AP3S1: variants seen among roughly 807,000 people sequenced by gnomAD.
The protein encoded by AP3S1 is AP-3 complex subunit sigma-1.
AP3S1 carries 12 observed loss-of-function variants against 21.3 expected under a neutral mutation model. The observed-to-expected ratio is 0.56, with a 90% CI of 0.36 to 0.91. AP3S1 has a LOEUF of 0.91. Among genes scored for constraint, AP3S1 ranks in the 40% least tolerant of loss-of-function variants. AP3S1 has a pLI of 0.01. For missense variants in AP3S1, 116 were observed against 225.0 expected, an observed-to-expected ratio of 0.52 and a Z score of 3.10; for synonymous variants, 48 against 78.4, an observed-to-expected ratio of 0.61 and a Z score of 2.05.
At chr5:115,881,686 T>A (rs1046119908) in intron 3 of AP3S1, among the ~76,000 whole-genome samples, 1 of 152,144 alleles carries the variant, frequency 6.6e-6, no homozygotes, top group Non-Finnish European at 1.5e-5. Context: ...TGTCTTGGGG[T>A]TGCTTTTCTC....
chr5:115,901,761 G>T (rs1751234741), intron 4 of AP3S1, among the ~76,000 whole-genome samples: 1 of 151,948 alleles, frequency 6.6e-6, no homozygotes, highest in South Asian at 2.1e-4. Context: ...TTGCCATATT[G>T]CCAGTGATCT....
intron 3 of AP3S1, among the ~76,000 whole-genome samples, chr5:115,877,394 C>T (rs547057023): frequency 6.6e-6 from 1 of 152,210 alleles, no homozygotes; most frequent in East Asian, 1.9e-4. Flanking sequence ...ATGTTCCCCT[C>T]CCTGTGTCCA....
At chr5:115,872,981 G>C (rs1427107108) in intron 3 of AP3S1, among the ~76,000 whole-genome samples, 1 of 152,112 alleles carries the variant, frequency 6.6e-6, no homozygotes, top group Non-Finnish European at 1.5e-5. Context: ...CCTGAGCCTA[G>C]CCACTAGAAT....
chr5:115,891,344 G>A (rs933922965), intron 3 of AP3S1, among the ~76,000 whole-genome samples: 5 of 152,086 alleles, frequency 3.3e-5, no homozygotes, highest in African/African-American at 1.2e-4. Flanking sequence ...TGGGTGTCCT[G>A]TAATTCAGTG....
At chr5:115,886,734 T>G (rs1209278140) in intron 3 of AP3S1, among the ~76,000 whole-genome samples, 3 of 152,196 alleles carry the variant, frequency 2.0e-5, no homozygotes, top group Non-Finnish European at 4.4e-5. Context: ...CTGTACCAAG[T>G]AAATGCTAGC....
intron 5 of AP3S1, chr5:115,906,852 G>T: frequency 6.6e-7 from 1 of 1,519,444 alleles, no homozygotes; most frequent in South Asian, 1.2e-5. Context: ...AGACAGGACA[G>T]GTAGACAAGG....
chr5:115,862,023 G>A (rs1009000912), intron 1 of AP3S1, among the ~76,000 whole-genome samples: 1 of 151,840 alleles, frequency 6.6e-6, no homozygotes, highest in East Asian at 1.9e-4. Flanking sequence ...ATTTAAGGGC[G>A]TGGTTCGGTT....
At chr5:115,912,285 G>A (rs1005792945) in intron 5 of AP3S1, 1 of 151,872 alleles carries the variant, frequency 6.6e-6, no homozygotes, top group Non-Finnish European at 1.5e-5. Flanking sequence ...TGGAAGATTC[G>A]TTTTTGTTGT....
chr5:115,854,353 T>A (rs565219177), intron 1 of AP3S1, among the ~76,000 whole-genome samples: 1 of 152,184 alleles, frequency 6.6e-6, no homozygotes, highest in East Asian at 1.9e-4. Flanking sequence ...ATGCTAAGCA[T>A]TTTTTATACA....
At chr5:115,893,662 A>G (rs1053809877) in intron 3 of AP3S1, among the ~76,000 whole-genome samples, 10 of 152,176 alleles carry the variant, frequency 6.6e-5, no homozygotes, top group Non-Finnish European at 1.0e-4. Context: ...CGTGCCCTAC[A>G]TAGGAGCAAC....
chr5:115,879,601 A>G (rs969700060), intron 3 of AP3S1, among the ~76,000 whole-genome samples: 5 of 152,206 alleles, frequency 3.3e-5, no homozygotes, highest in African/African-American at 1.2e-4. Context: ...TCGGTTTGCC[A>G]GGATTTTATT....
At chr5:115,877,938 C>A (rs1748881608) in intron 3 of AP3S1, among the ~76,000 whole-genome samples, 1 of 152,168 alleles carries the variant, frequency 6.6e-6, no homozygotes, top group Non-Finnish European at 1.5e-5. Context: ...ATTTGCATTT[C>A]CATAATGACC....
At chr5:115,848,963 C>T (rs534919016) in intron 1 of AP3S1, among the ~76,000 whole-genome samples, 1 of 152,184 alleles carries the variant, frequency 6.6e-6, no homozygotes, top group South Asian at 2.1e-4. Flanking sequence ...GTGGAGGAAG[C>T]CCTTGTAGAG....
chr5:115,853,628 T>G (rs1268797971), intron 1 of AP3S1, among the ~76,000 whole-genome samples: 1 of 152,198 alleles, frequency 6.6e-6, no homozygotes, highest in Non-Finnish European at 1.5e-5. Flanking sequence ...CATTTCAGGT[T>G]AGTTTTGTGT....
chr5:115,882,833 G>T (rs907694303), intron 3 of AP3S1, among the ~76,000 whole-genome samples: 1 of 152,194 alleles, frequency 6.6e-6, no homozygotes, highest in African/African-American at 2.4e-5. Flanking sequence ...CTGTCCCAGG[G>T]AGATGGGAGT....
chr5:115,849,320 G>C (rs1315250417), intron 1 of AP3S1, among the ~76,000 whole-genome samples: 1 of 152,138 alleles, frequency 6.6e-6, no homozygotes, highest in African/African-American at 2.4e-5. Context: ...CCTCTTTGAC[G>C]ACCTGACATT....
chr5:115,910,652 ATTTGT>A (rs1321544308), intron 5 of AP3S1, among the ~76,000 whole-genome samples: 1 of 152,106 alleles, frequency 6.6e-6, no homozygotes, highest in African/African-American at 2.4e-5. Context: ...TGAAAATGAA[ATTTGT>A]TTTATAGCCA....
chr5:115,911,136 G>A (rs945522564), intron 5 of AP3S1, among the ~76,000 whole-genome samples: 1 of 151,968 alleles, frequency 6.6e-6, no homozygotes, highest in African/African-American at 2.4e-5. Flanking sequence ...ACCATCTTTG[G>A]TCACAATGAT....
At chr5:115,859,349 G>A (rs1763011478) in intron 1 of AP3S1, among the ~76,000 whole-genome samples, 1 of 152,084 alleles carries the variant, frequency 6.6e-6, no homozygotes, top group Non-Finnish European at 1.5e-5. Flanking sequence ...CTTGAGAAGG[G>A]GCCAAAGGAA....
Sources: gnomAD v4.1 joint callset for allele counts (sites outside exome capture counted in the v4.1 genomes callset) on GRCh38, gnomAD v4.1.1 for gene constraint, MANE v1.5 for transcripts, NCBI Gene and HGNC (gene_info 2026-07-23, HGNC 2026-07-21) for gene names.